GLP1R: variants seen among roughly 807,000 people sequenced by gnomAD.
GLP1R encodes the protein glucagon like peptide 1 receptor.
In GLP1R, 32 loss-of-function variants were observed where a neutral mutation model predicts 68.4. The ratio of observed to expected loss-of-function variants is 0.47; its 90% CI spans 0.35 to 0.63. The LOEUF is 0.63. Ranked by LOEUF, GLP1R falls within the 20% of genes least tolerant of loss-of-function variation. GLP1R has a pLI of 0.00. For synonymous variants in GLP1R, 263 were observed against 244.4 expected, an observed-to-expected ratio of 1.08 and a Z score of -0.71; for missense variants, 502 against 594.9, an observed-to-expected ratio of 0.84 and a Z score of 1.62.
At chr6:39,072,790 C>T in intron 5 of GLP1R, 72 bp from the exon 6 acceptor site, 1 of 1,375,518 alleles carries the variant, frequency 7.3e-7, no homozygotes, top group Non-Finnish European at 1.0e-6. Context: ...TGTGTGTTAG[C>T]TTGAGAGCCT....
intron 5 of GLP1R, among the ~76,000 whole-genome samples, chr6:39,068,347 G>A (rs1332354286): frequency 6.6e-6 from 1 of 152,184 alleles, no homozygotes; most frequent in Non-Finnish European, 1.5e-5. Flanking sequence ...AGCTCTCACA[G>A]GCTGGAGTTG....
intron 3 of GLP1R, among the ~76,000 whole-genome samples, chr6:39,064,489 G>A (rs1403602870): frequency 6.6e-6 from 1 of 152,204 alleles, no homozygotes; most frequent in African/African-American, 2.4e-5. Context: ...TGTCCTGGCT[G>A]CAGCTTCTCT....
chr6:39,064,292 A>G (rs1174423967), intron 3 of GLP1R, among the ~76,000 whole-genome samples: 3 of 152,116 alleles, frequency 2.0e-5, no homozygotes, highest in Non-Finnish European at 2.9e-5. Flanking sequence ...GGCATGAGCC[A>G]CCACACCCAG....
rs777716740 is a variant in GLP1R at position 39,056,671 on chromosome 6, C to T, written c.175+178C>T. On this transcript the variant is annotated intron_variant, in intron 2 of 12. Transcript: ENST00000373256. Reference sequence around the variant, plus strand: ...TTCACCTGGATACCTTCCTTTCTGCCGACCAAAATCTTCCTTTTCTTCAAA... The same window carrying T: ...TTCACCTGGATACCTTCCTTTCTGCTGACCAAAATCTTCCTTTTCTTCAAA... 9.2e-5 allele frequency among the ~76,000 whole-genome samples: 14 copies of T among 152,192 alleles called. No homozygotes were observed. The South Asian group carries it at 1.0e-3, about 11-fold the overall frequency.
intron 1 of GLP1R, among the ~76,000 whole-genome samples, chr6:39,053,632 C>G (rs569712739): frequency 3.0e-4 from 45 of 152,304 alleles, no homozygotes; most frequent in African/African-American, 1.1e-3. Context: ...CCACAGCCAT[C>G]CCATGGGGGA....
At chr6:39,066,043 C>A (rs933166176) in intron 4 of GLP1R, among the ~76,000 whole-genome samples, 154 bp from the exon 5 acceptor site, 20 of 152,174 alleles carry the variant, frequency 1.3e-4, no homozygotes, top group South Asian at 2.1e-4. Context: ...CAAGAACCAT[C>A]GCCGTAGGTT....
intron 3 of GLP1R, among the ~76,000 whole-genome samples, chr6:39,061,655 C>T (rs772885053): frequency 5.9e-5 from 9 of 152,122 alleles, no homozygotes; most frequent in Non-Finnish European, 8.8e-5. Flanking sequence ...TTCAAGAAAC[C>T]GGCATGGGGG....
chr6:39,065,679 C>A, intron 3 of GLP1R, 32 bp from the exon 4 acceptor site: 1 of 1,419,168 alleles, frequency 7.0e-7, no homozygotes, highest in Non-Finnish European at 9.7e-7. Context: ...CTATTCTGGG[C>A]TGAGGCTCAG....
At position 39,049,050 on chromosome 6, in the gene GLP1R, C is replaced by T. The variant is rs1768027176; in HGVS notation, c.78+132C>T. 2 of 484,240 alleles carry T rather than the reference C, an allele frequency of 4.1e-6. No individual in the cohort carries two copies. Among genetic ancestry groups the T allele is most frequent in the South Asian group, 3.3e-5 (1 of 30,222 alleles). 30.0% of individuals were successfully genotyped at this position (484,240 alleles called of 1,614,324 possible). A position where few individuals can be genotyped will look rare whatever the true frequency, so the allele number is the denominator to read the frequency against. ...CGCTGGCGGGGGCATCCGAAAGCCT[C>T]GGGGGGAGTAGGGACTGGAGACTTG... On this transcript the variant is annotated intron_variant, in intron 1 of 12. Coordinates refer to ENST00000373256, the MANE Select transcript of GLP1R (RefSeq NM_002062.5). The surrounding 1 kb of genome is among the most constrained non-coding windows in gnomAD (Gnocchi z 4.5).
At chr6:39,085,097 C>T (rs1769110689) in intron 12 of GLP1R, among the ~76,000 whole-genome samples, 1 of 152,108 alleles carries the variant, frequency 6.6e-6, no homozygotes, top group Admixed American at 6.5e-5. Flanking sequence ...ACCAGAATCA[C>T]TGGCCACCAC....
At position 39,089,589 on chromosome 6, in the gene GLP1R, C is replaced by T. The variant is rs965671475; in HGVS notation, c.*3516C>T. ...CTCAGTCCCTCCCATTTCTTTCTTC[C>T]GCAAGGAAAGAACATTGCATGTGGG... On this transcript the variant is annotated 3_prime_UTR_variant, in exon 13 of 13. Coordinates refer to ENST00000373256, the MANE Select transcript of GLP1R (RefSeq NM_002062.5). This position sits in a 1 kb window ranked among gnomAD's most constrained non-coding sequence, Gnocchi z 4.1. Among the ~76,000 whole-genome samples, 1 of 152,116 alleles carries T rather than the reference C, an allele frequency of 6.6e-6. No homozygotes were observed. The highest frequency in any genetic ancestry group is 2.4e-5 in the African/African-American group (1 of 41,414).
rs1769146335 is a variant in GLP1R at position 39,086,274 on chromosome 6, A to G, written c.*201A>G. 1 of 506,346 alleles carries G rather than the reference A, an allele frequency of 2.0e-6. No individual in the cohort carries two copies. The highest frequency in any genetic ancestry group is 3.5e-6 in the Non-Finnish European group (1 of 286,946). The allele number at this position is 506,346 out of a possible 1,614,324, so 31.4% of individuals were successfully genotyped here. On this transcript the variant is annotated 3_prime_UTR_variant, in exon 13 of 13. Coordinates refer to ENST00000373256, the MANE Select transcript of GLP1R (RefSeq NM_002062.5). The surrounding 1 kb of genome is among the most constrained non-coding windows in gnomAD (Gnocchi z 4.5). The stretch of plus-strand genomic sequence containing the variant: ...GGCAGTGCCTCCTGGGACCATGGAC[A>G]CATTTTCTCCTAGGAGAAGCAGCCT...
At position 39,079,252 on chromosome 6, in the gene GLP1R, C is replaced by T. The variant is rs755723418; in HGVS notation, c.1043+52C>T. 1.5e-5 allele frequency: 19 copies of T among 1,250,232 alleles called. No individual in the cohort carries two copies. The highest frequency in any genetic ancestry group is 1.9e-4 in the Middle Eastern group (1 of 5,388). The allele number at this position is 1,250,232 out of a possible 1,614,324, so 77.4% of individuals were successfully genotyped here. A position where few individuals can be genotyped will look rare whatever the true frequency, so the allele number is the denominator to read the frequency against. ...AGGACCCTCAGCAAGTGCCCCTTTC[C>T]TTCTAGCAGAGAGAGAGAGAGAGAT... On this transcript the variant is annotated intron_variant, in intron 10 of 12. Transcript: ENST00000373256. This position sits in a 1 kb window ranked among gnomAD's most constrained non-coding sequence, Gnocchi z 4.5.
chr6:39,063,870 C>T (rs187863820), intron 3 of GLP1R, among the ~76,000 whole-genome samples: 167 of 150,702 alleles, frequency 1.1e-3, no homozygotes, highest in African/African-American at 3.9e-3. Flanking sequence ...AGGGTCAGGC[C>T]CTGGGGCTGC....
intron 1 of GLP1R, among the ~76,000 whole-genome samples, chr6:39,054,624 C>G: frequency 6.6e-6 from 1 of 152,202 alleles, no homozygotes; most frequent in East Asian, 1.9e-4. Flanking sequence ...AACCCCTCCC[C>G]CCGCCTCTGG....
intron 11 of GLP1R, 107 bp from the exon 12 acceptor site, chr6:39,080,591 G>A (rs1768979000): frequency 1.5e-6 from 1 of 670,142 alleles, no homozygotes; most frequent in Non-Finnish European, 2.6e-6. Flanking sequence ...CGCTGGATTT[G>A]GGGAGGGGGT....
In GLP1R at chr6:39,048,927, C is replaced by T. The variant is rs1421943853; in HGVS notation, c.78+9C>T. 1 of 1,284,494 alleles carries T rather than the reference C, an allele frequency of 7.8e-7. No individual in the cohort carries two copies. The highest frequency in any genetic ancestry group is 1.0e-6 in the Non-Finnish European group (1 of 973,116). 79.6% of individuals were successfully genotyped at this position (1,284,494 alleles called of 1,614,324 possible). A position where few individuals can be genotyped will look rare whatever the true frequency, so the allele number is the denominator to read the frequency against. Reference sequence around the variant, plus strand: ...CCGGCCCCCGCCCCCAGGTGAGATCCAGGGACCCCGACGACACCGGGGGAG... The same window carrying T: ...CCGGCCCCCGCCCCCAGGTGAGATCTAGGGACCCCGACGACACCGGGGGAG... On this transcript the variant is annotated intron_variant, in intron 1 of 12. Coordinates refer to ENST00000373256, the MANE Select transcript of GLP1R (RefSeq NM_002062.5).
intron 12 of GLP1R, among the ~76,000 whole-genome samples, chr6:39,084,677 C>T (rs1386769659): frequency 6.6e-6 from 1 of 152,214 alleles, no homozygotes; most frequent in East Asian, 1.9e-4. Flanking sequence ...TCCTTCCCTC[C>T]CCCACTCAAG....
At chr6:39,058,762 C>T (rs115144344) in intron 3 of GLP1R, among the ~76,000 whole-genome samples, 160 of 152,272 alleles carry the variant, frequency 1.1e-3, no homozygotes, top group African/African-American at 3.7e-3. Context: ...TTATAACTAC[C>T]CTGTGGTTAT....
Sources: gnomAD v4.1 joint callset for allele counts (sites outside exome capture counted in the v4.1 genomes callset) on GRCh38, gnomAD v4.1.1 for gene constraint, Gnocchi (gnomAD v3.1) non-coding constraint, MANE v1.5 for transcripts, NCBI Gene and HGNC (gene_info 2026-07-23, HGNC 2026-07-21) for gene names.